ADCY2: variants seen among roughly 807,000 people sequenced by gnomAD.
The protein encoded by ADCY2 is adenylate cyclase type 2.
Under a neutral mutation model 125.2 loss-of-function variants are expected in ADCY2, and 31 were observed. That is an observed-to-expected ratio of 0.25 (90% CI 0.19 to 0.33). The LOEUF is 0.33. ADCY2 is among the 10% of genes least tolerant of loss of function. ADCY2 has a pLI of 1.00. For synonymous variants in ADCY2, 512 were observed against 548.4 expected (o/e 0.93, Z 0.93); for missense variants, 904 against 1,418.2 (o/e 0.64, Z 5.82).
intron 3 of ADCY2, among the ~76,000 whole-genome samples, chr5:7,574,829 A>C (rs1736191756): frequency 6.6e-6 from 1 of 152,206 alleles, no homozygotes; most frequent in East Asian, 1.9e-4. Context: ...AGTTTCTAAG[A>C]ATGGTTATTG....
intron 3 of ADCY2, among the ~76,000 whole-genome samples, chr5:7,581,363 A>G (rs887531686): frequency 6.6e-6 from 1 of 152,192 alleles, no homozygotes; most frequent in Non-Finnish European, 1.5e-5. Flanking sequence ...GAATGAACAC[A>G]TAGAGTTCCA....
intron 22 of ADCY2, among the ~76,000 whole-genome samples, chr5:7,807,381 C>T (rs76724400): frequency 7.2e-4 from 109 of 152,336 alleles, no homozygotes; most frequent in African/African-American, 2.5e-3. Flanking sequence ...CCATCAGGAA[C>T]TCTACTCTTA....
Position 7,520,765 on chromosome 5 carries a change from G to T in ADCY2, c.436G>T (p.Val146Leu), listed in dbSNP as rs141561787. 1 of 1,613,998 alleles carries T rather than the reference G, an allele frequency of 6.2e-7. No homozygotes were observed. The highest frequency in any genetic ancestry group is 2.2e-5 in the East Asian group (1 of 44,874). Residue 146 changes from valine to leucine, a missense_variant, in exon 3 of 25, where the codon GTG becomes TTG. Val to Leu is a conservative substitution (Grantham distance 32). Around this residue, in one of 7 missense-constraint regions of ADCY2, gnomAD observed 121 missense variants for 161.5 expected, o/e 0.75. Transcript: ENST00000338316. ...QVSFFLFIIF[V>L]VYTMLPFNMR... ...ATCGTTCTTCCTCTTCATCATCTTCGTGGTGTACACCATGCTGCCCTTCAA... is the reference window on the plus strand; with the variant it reads ...ATCGTTCTTCCTCTTCATCATCTTCTTGGTGTACACCATGCTGCCCTTCAA...
chr5:7,672,490 T>C (rs1739969662), intron 4 of ADCY2, among the ~76,000 whole-genome samples: 1 of 151,980 alleles, frequency 6.6e-6, no homozygotes, highest in South Asian at 2.1e-4. Context: ...GTTTTTATAT[T>C]GTTAGATGAT....
At chr5:7,434,093 A>G (rs1036346190) in intron 2 of ADCY2, among the ~76,000 whole-genome samples, 1 of 152,198 alleles carries the variant, frequency 6.6e-6, no homozygotes, top group Admixed American at 6.5e-5. Context: ...TGAAAAGCAA[A>G]CATTTTAAGT....
chr5:7,592,071 T>C (rs1736863132), intron 3 of ADCY2, among the ~76,000 whole-genome samples: 2 of 152,240 alleles, frequency 1.3e-5, no homozygotes, highest in Non-Finnish European at 2.9e-5. Context: ...TTGTTTACAG[T>C]GGCATTCACT....
At chr5:7,595,283 T>C (rs1736972059) in intron 3 of ADCY2, among the ~76,000 whole-genome samples, 1 of 152,202 alleles carries the variant, frequency 6.6e-6, no homozygotes, top group Admixed American at 6.5e-5. Context: ...AGCACATTCC[T>C]TATTGGCCAT....
intron 3 of ADCY2, among the ~76,000 whole-genome samples, chr5:7,558,704 A>G (rs1160494054): frequency 6.6e-6 from 1 of 151,866 alleles, no homozygotes; most frequent in Non-Finnish European, 1.5e-5. Flanking sequence ...CCATTTTTCA[A>G]TTTTTGCTTC....
At chr5:7,549,359 C>A (rs77459561) in intron 3 of ADCY2, among the ~76,000 whole-genome samples, 2,898 of 152,274 alleles carry the variant, frequency 0.019, 87 homozygotes, top group African/African-American at 0.066. Flanking sequence ...ATGGCAGAAT[C>A]CTGTGATGTC....
chr5:7,779,301 T>C (rs1483373722), intron 18 of ADCY2, among the ~76,000 whole-genome samples: 1 of 152,218 alleles, frequency 6.6e-6, no homozygotes, highest in Admixed American at 6.5e-5. Context: ...AGAAACTCGA[T>C]ATTTAGGCTC....
intron 2 of ADCY2, among the ~76,000 whole-genome samples, chr5:7,483,414 C>T (rs1377244826): frequency 1.4e-5 from 2 of 146,680 alleles, no homozygotes; most frequent in Admixed American, 6.7e-5. Flanking sequence ...AACTGCAGTA[C>T]ATAAAAAAAA....
intron 3 of ADCY2, among the ~76,000 whole-genome samples, chr5:7,556,531 G>A (rs184701428): frequency 4.9e-4 from 75 of 152,214 alleles, no homozygotes; most frequent in Non-Finnish European, 9.3e-4. Flanking sequence ...TTTTTCATAC[G>A]GGAAGTTTCA....
chr5:7,594,543 G>T (rs1451195516), intron 3 of ADCY2, among the ~76,000 whole-genome samples: 1 of 152,180 alleles, frequency 6.6e-6, no homozygotes, highest in Non-Finnish European at 1.5e-5. Flanking sequence ...AGGAACTCTT[G>T]TGTGACCCTC....
intron 20 of ADCY2, chr5:7,794,631 T>TAAG (rs1439442037): frequency 6.6e-6 from 1 of 152,142 alleles, no homozygotes; most frequent in African/African-American, 2.4e-5. Context: ...GAGGGTGTTA[T>TAAG]AAGAAGAGCC....
chr5:7,762,215 G>A (rs1215076732), intron 16 of ADCY2, among the ~76,000 whole-genome samples: 1 of 152,214 alleles, frequency 6.6e-6, no homozygotes, highest in African/African-American at 2.4e-5. Context: ...AACCACACGG[G>A]TGCTCCTCTT....
rs538100124 is a variant in ADCY2 at position 7,594,188 on chromosome 5, C to T, written c.571-31979C>T. ...GAGACAGGTGGAGACAAGGACAGGG[C>T]CTCAAGGGCAGTTTAGAGGCCACTG... On this transcript the variant is annotated intron_variant, in intron 3 of 24. Coordinates refer to ENST00000338316, the MANE Select transcript of ADCY2 (RefSeq NM_020546.3). 3.9e-5 allele frequency among the ~76,000 whole-genome samples: 6 copies of T among 152,262 alleles called. No homozygotes were observed. In the South Asian group the frequency reaches 1.0e-3, roughly 26 times the overall value.
At chr5:7,595,253 C>T (rs558840046) in intron 3 of ADCY2, among the ~76,000 whole-genome samples, 60 of 152,272 alleles carry the variant, frequency 3.9e-4, no homozygotes, top group African/African-American at 1.3e-3. Flanking sequence ...ATACTAGCTT[C>T]GCTTTTCTTA....
At chr5:7,824,157 A>G (rs1337930728) in intron 24 of ADCY2, among the ~76,000 whole-genome samples, 1 of 152,184 alleles carries the variant, frequency 6.6e-6, no homozygotes, top group Non-Finnish European at 1.5e-5. Flanking sequence ...CCAGACCATT[A>G]ATAAGCTTCT....
chr5:7,657,762 G>A (rs1398920942), intron 4 of ADCY2, among the ~76,000 whole-genome samples: 1 of 152,164 alleles, frequency 6.6e-6, no homozygotes, highest in Non-Finnish European at 1.5e-5. Flanking sequence ...CTCACCATGA[G>A]GTTTCCGGGG....
Sources: gnomAD v4.1 joint callset for allele counts (sites outside exome capture counted in the v4.1 genomes callset) on GRCh38, gnomAD v4.1.1 for gene constraint, gnomAD v4.1.1 regional missense constraint, MANE v1.5 for transcripts, NCBI Gene and HGNC (gene_info 2026-07-23, HGNC 2026-07-21) for gene names.